SPIRE1: variants seen among roughly 807,000 people sequenced by gnomAD.
The protein encoded by SPIRE1 is protein spire homolog 1.
A neutral mutation model predicts 94.1 loss-of-function variants in SPIRE1; 40 were observed. The ratio of observed to expected loss-of-function variants is 0.43; its 90% CI spans 0.33 to 0.55. SPIRE1 has a LOEUF of 0.55. SPIRE1 is among the 20% of genes least tolerant of loss of function. The probability of loss-of-function intolerance (pLI) is 0.06; values close to 1 mark genes in which losing one functional copy is unlikely to be tolerated. For synonymous variants in SPIRE1, 376 were observed against 371.7 expected, an observed-to-expected ratio of 1.01 and a Z score of -0.13; for missense variants, 838 against 975.2, an observed-to-expected ratio of 0.86 and a Z score of 1.87.
At chr18:12,614,815 T>A (rs1247493871) in intron 2 of SPIRE1, among the ~76,000 whole-genome samples, 2 of 151,992 alleles carry the variant, frequency 1.3e-5, no homozygotes. Flanking sequence ...CAAGACTCTG[T>A]CTTAGAAAAA....
At chr18:12,575,639 A>G (rs1029970816) in intron 2 of SPIRE1, among the ~76,000 whole-genome samples, 4 of 152,196 alleles carry the variant, frequency 2.6e-5, no homozygotes, top group African/African-American at 9.6e-5. Flanking sequence ...AAATTTAGAT[A>G]TGCTTTTGTT....
rs778752580 is a variant in SPIRE1 at position 12,652,221 on chromosome 18, C to G, written c.337+5309G>C. Among the ~76,000 whole-genome samples the G allele has an allele frequency of 4.6e-5, 7 of 152,104 alleles. No homozygotes were observed. The South Asian group carries it at 1.0e-3, about 22-fold the overall frequency. On this transcript the variant is annotated intron_variant, in intron 1 of 16. Coordinates refer to ENST00000409402, the MANE Select transcript of SPIRE1 (RefSeq NM_001128626.2). Reference sequence around the variant, plus strand: ...CCTAAACTGCATCAGTTACTACCTTCTAAAGACCCTGTATACCAAAATGTG... The same window carrying G: ...CCTAAACTGCATCAGTTACTACCTTGTAAAGACCCTGTATACCAAAATGTG...
rs542553976 is a variant in SPIRE1 at position 12,459,605 on chromosome 18, T to C, written c.1638+3746A>G. The C allele has an allele frequency of 1.6e-5, 5 of 304,306 alleles. No individual in the cohort carries two copies. In the East Asian group the frequency reaches 8.6e-4, roughly 53 times the overall value. The allele number at this position is 304,306 out of a possible 1,614,324, so 18.9% of individuals were successfully genotyped here. A position where few individuals can be genotyped will look rare whatever the true frequency, so the allele number is the denominator to read the frequency against. ...ATTTCCCTCAACTGAGACCACGGCA[T>C]GATCGGTGCATCCTGCACAAGGGTG... On this transcript the variant is annotated intron_variant, in intron 12 of 16. Coordinates refer to ENST00000409402, the MANE Select transcript of SPIRE1 (RefSeq NM_001128626.2).
At chr18:12,615,489 A>G (rs1449651634) in intron 2 of SPIRE1, among the ~76,000 whole-genome samples, 1 of 140,116 alleles carries the variant, frequency 7.1e-6, no homozygotes, top group African/African-American at 2.5e-5. Flanking sequence ...GCAGTGAGCC[A>G]AGATCTCACC....
intron 10 of SPIRE1, among the ~76,000 whole-genome samples, chr18:12,472,967 G>A (rs1403726645): frequency 6.6e-6 from 1 of 151,888 alleles, no homozygotes; most frequent in African/African-American, 2.4e-5. Context: ...TATTTTTTTT[G>A]TATTTTTAGT....
intron 2 of SPIRE1, among the ~76,000 whole-genome samples, chr18:12,550,807 T>C (rs1298649685): frequency 1.3e-5 from 2 of 152,244 alleles, no homozygotes; most frequent in Non-Finnish European, 2.9e-5. Context: ...CCTAAATGAC[T>C]GCTTAATAGC....
intron 3 of SPIRE1, among the ~76,000 whole-genome samples, chr18:12,539,873 G>C (rs2034962213): frequency 6.6e-6 from 1 of 150,384 alleles, no homozygotes; most frequent in South Asian, 2.1e-4. Flanking sequence ...GCTGCAGTGA[G>C]CCGAGATCAC....
At chr18:12,475,604 GA>G (rs560850523) in intron 10 of SPIRE1, among the ~76,000 whole-genome samples, 1 of 151,456 alleles carries the variant, frequency 6.6e-6, no homozygotes, top group Admixed American at 6.6e-5. Context: ...AAATGTGAAC[GA>G]AAAAAAACCC....
chr18:12,483,833 A>G (rs922455283), intron 9 of SPIRE1, among the ~76,000 whole-genome samples: 2 of 152,204 alleles, frequency 1.3e-5, no homozygotes, highest in Admixed American at 6.5e-5. Flanking sequence ...AATCTTTTCT[A>G]TTTATAATTT....
chr18:12,650,959 C>T (rs554050158), intron 1 of SPIRE1, among the ~76,000 whole-genome samples: 29 of 151,314 alleles, frequency 1.9e-4, no homozygotes, highest in Non-Finnish European at 3.8e-4. Flanking sequence ...TCTAAACTTA[C>T]TGTTAAGGCT....
At chr18:12,491,390 A>G (rs1486128330) in intron 8 of SPIRE1, among the ~76,000 whole-genome samples, 1 of 152,000 alleles carries the variant, frequency 6.6e-6, no homozygotes, top group South Asian at 2.1e-4. Context: ...CTGATCTTAC[A>G]ATATATTATA....
rs1309847027 is a variant in SPIRE1, at chr18:12,657,827, G to C, written c.40C>G (p.Arg14Gly). The change falls in exon 1 of 17, where the codon CGG becomes GGG. Residue 14 changes from arginine (R) to glycine (G), a missense_variant. Around this residue, in one of 2 missense-constraint regions of SPIRE1, gnomAD observed 193 missense variants for 170.5 expected, o/e 1.13. Coordinates refer to ENST00000409402, the MANE Select transcript of SPIRE1 (RefSeq NM_001128626.2). Reference protein sequence around the residue: ...AAGPAGGGEPRTEAVGGEGPR... With the variant: ...AAGPAGGGEPGTEAVGGEGPR... Reference sequence around the variant, plus strand: ...CCCTCGCCGCCCACTGCCTCAGTCCGCGGCTCCCCGCCGCCCGCCGGGCCA... The same window carrying C: ...CCCTCGCCGCCCACTGCCTCAGTCCCCGGCTCCCCGCCGCCCGCCGGGCCA... 9.4e-6 allele frequency: 11 copies of C among 1,165,956 alleles called. No homozygotes were observed. In the African/African-American group the frequency reaches 1.8e-4, roughly 19 times the overall value. The allele number at this position is 1,165,956 out of a possible 1,614,324, so 72.2% of individuals were successfully genotyped here. A position where few individuals can be genotyped will look rare whatever the true frequency, so the allele number is the denominator to read the frequency against.
At chr18:12,585,055 C>T (rs1191186639) in intron 2 of SPIRE1, among the ~76,000 whole-genome samples, 1 of 152,144 alleles carries the variant, frequency 6.6e-6, no homozygotes, top group African/African-American at 2.4e-5. Context: ...CCGCCCACCT[C>T]GGCTTCCCAA....
chr18:12,537,583 TG>T (rs1239491382), intron 3 of SPIRE1, among the ~76,000 whole-genome samples: 1 of 152,186 alleles, frequency 6.6e-6, no homozygotes. Context: ...GTCTAAAAAA[TG>T]TTTTTTTAAA....
rs181168535 is a variant in SPIRE1, at chr18:12,502,794, C to T, written c.972+3683G>A. On this transcript the variant is annotated intron_variant, in intron 6 of 16. Transcript: ENST00000409402. ...AATAGGGGGCTGGGTACACAAGCCA[C>T]GGCACACACATACAAGGAAATACCC... Among the ~76,000 whole-genome samples the T allele has an allele frequency of 4.9e-3, 743 of 152,158 alleles. 3 individuals are homozygous for T. Among genetic ancestry groups the T allele is most frequent in the Non-Finnish European group, 7.6e-3 (520 of 68,002 alleles).
At chr18:12,450,693 G>A (rs1229843882) in intron 16 of SPIRE1, 1 of 645,900 alleles carries the variant, frequency 1.5e-6, no homozygotes, top group Non-Finnish European at 2.8e-6. Flanking sequence ...CCAGCTAAGG[G>A]AGGCAAGAAG....
intron 10 of SPIRE1, among the ~76,000 whole-genome samples, chr18:12,471,558 A>C (rs1299720850): frequency 1.3e-5 from 2 of 152,040 alleles, no homozygotes; most frequent in Non-Finnish European, 2.9e-5. Context: ...TTCTGGCCTT[A>C]AGTGATCCGT....
intron 10 of SPIRE1, among the ~76,000 whole-genome samples, chr18:12,473,436 T>C (rs904955830): frequency 2.0e-5 from 3 of 152,166 alleles, no homozygotes; most frequent in African/African-American, 7.2e-5. Flanking sequence ...TGTTGCTCTT[T>C]ATAATGGTAG....
intron 2 of SPIRE1, among the ~76,000 whole-genome samples, chr18:12,615,327 C>CA (rs1234229698): frequency 0.17 from 377 of 2,188 alleles, 109 homozygotes; most frequent in Middle Eastern, 0.5. Flanking sequence ...AACTCTGTCT[C>CA]AAAAAAAAAA....
Sources: gnomAD v4.1 joint callset for allele counts (sites outside exome capture counted in the v4.1 genomes callset) on GRCh38, gnomAD v4.1.1 for gene constraint, gnomAD v4.1.1 regional missense constraint, MANE v1.5 for transcripts, NCBI Gene and HGNC (gene_info 2026-07-23, HGNC 2026-07-21) for gene names.